The following ALDH1A2 variants were observed in gnomAD, a reference collection of about 807,000 sequenced individuals.
The protein encoded by ALDH1A2 is retinal dehydrogenase 2.
In ALDH1A2, 27 loss-of-function variants were observed where a neutral mutation model predicts 60.3. The observed-to-expected ratio is 0.45, with a 90% confidence interval of 0.33 to 0.62. The LOEUF (loss-of-function observed/expected upper bound fraction) is 0.62. Among genes scored for constraint, ALDH1A2 ranks in the 20% least tolerant of loss-of-function variants. The pLI is 0.02. For missense variants in ALDH1A2, 581 were observed against 643.8 expected (o/e 0.90, Z 1.06); for synonymous variants, 289 against 232.4 (o/e 1.24, Z -2.21).
At chr15:58,000,752 T>C (rs1410086723) in intron 4 of ALDH1A2, among the ~76,000 whole-genome samples, 2 of 151,860 alleles carry the variant, frequency 1.3e-5, no homozygotes, top group Non-Finnish European at 2.9e-5. Flanking sequence ...CTCGTGAATA[T>C]ACAGATTCTG....
chr15:58,025,978 A>G, intron 1 of ALDH1A2, among the ~76,000 whole-genome samples: 1 of 152,198 alleles, frequency 6.6e-6, no homozygotes, highest in Non-Finnish European at 1.5e-5. Context: ...ACCTCCCACC[A>G]GGCTCCACCT....
intron 7 of ALDH1A2, among the ~76,000 whole-genome samples, chr15:57,968,127 A>G (rs772844196): frequency 4.6e-5 from 7 of 152,192 alleles, no homozygotes; most frequent in Non-Finnish European, 8.8e-5. Flanking sequence ...GGGAATCCAA[A>G]TTAACTGATG....
intron 1 of ALDH1A2, among the ~76,000 whole-genome samples, chr15:58,043,460 G>C (rs1386902103): frequency 6.6e-6 from 1 of 151,982 alleles, no homozygotes; most frequent in Non-Finnish European, 1.5e-5. Context: ...ACATAGGTTT[G>C]ATTTGTTCCT....
intron 7 of ALDH1A2, among the ~76,000 whole-genome samples, chr15:57,975,759 T>G (rs1489483679): frequency 6.6e-6 from 1 of 150,844 alleles, no homozygotes; most frequent in African/African-American, 2.4e-5. Flanking sequence ...TTGCCATTTA[T>G]ATAAAATTCT....
intron 4 of ALDH1A2, among the ~76,000 whole-genome samples, chr15:58,003,110 G>C (rs1286655617): frequency 1.3e-5 from 2 of 151,814 alleles, no homozygotes; most frequent in African/African-American, 4.8e-5. Context: ...CGTAACAAAA[G>C]TTAGTTTACT....
At chr15:58,043,854 A>T (rs1458944467) in intron 1 of ALDH1A2, among the ~76,000 whole-genome samples, 1 of 152,026 alleles carries the variant, frequency 6.6e-6, no homozygotes, top group Non-Finnish European at 1.5e-5. Context: ...TTCTCGGTCT[A>T]AACATAGTAG....
chr15:58,019,954 CT>C (rs1267953367), intron 1 of ALDH1A2, among the ~76,000 whole-genome samples: 1 of 152,084 alleles, frequency 6.6e-6, no homozygotes, highest in East Asian at 1.9e-4. Flanking sequence ...CATGCATTAG[CT>C]TTTTTATCCT....
At chr15:58,056,515 C>A (rs766362689) in intron 1 of ALDH1A2, among the ~76,000 whole-genome samples, 8 of 152,010 alleles carry the variant, frequency 5.3e-5, no homozygotes, top group Admixed American at 3.3e-4. Flanking sequence ...CTTGAAAAAT[C>A]TGCAATAGGA....
intron 5 of ALDH1A2, among the ~76,000 whole-genome samples, chr15:57,994,590 G>A (rs149407006): frequency 1.3e-5 from 2 of 152,142 alleles, no homozygotes; most frequent in African/African-American, 2.4e-5. Flanking sequence ...ATAACAGCTC[G>A]GCATGGTTTC....
intron 1 of ALDH1A2, among the ~76,000 whole-genome samples, chr15:58,048,268 G>A (rs529928704): frequency 6.6e-6 from 1 of 152,160 alleles, no homozygotes; most frequent in East Asian, 1.9e-4. Flanking sequence ...TTTAAATTAA[G>A]TGTTGTATGC....
intron 1 of ALDH1A2, among the ~76,000 whole-genome samples, chr15:58,063,237 C>G (rs1425562799): frequency 6.6e-6 from 1 of 152,134 alleles, no homozygotes; most frequent in African/African-American, 2.4e-5. Context: ...AGACAAAAAA[C>G]AATAACATAT....
At chr15:57,982,678 G>C (rs1229060259) in intron 7 of ALDH1A2, among the ~76,000 whole-genome samples, 1 of 152,176 alleles carries the variant, frequency 6.6e-6, no homozygotes, top group Middle Eastern at 3.2e-3. Flanking sequence ...CTTTGCTTAT[G>C]ACAAGCCATC....
At chr15:57,959,344 T>C (rs577764269) in intron 12 of ALDH1A2, among the ~76,000 whole-genome samples, 2 of 152,124 alleles carry the variant, frequency 1.3e-5, no homozygotes, top group African/African-American at 2.4e-5. Context: ...CAAAAGCAAA[T>C]GAAGACATAC....
intron 1 of ALDH1A2, among the ~76,000 whole-genome samples, chr15:58,031,183 C>T (rs1896231532): frequency 6.6e-6 from 1 of 152,146 alleles, no homozygotes; most frequent in African/African-American, 2.4e-5. Flanking sequence ...ACCAATGGAA[C>T]ACAACAGAGG....
At chr15:58,010,047 G>C (rs1402734597) in intron 4 of ALDH1A2, among the ~76,000 whole-genome samples, 3 of 152,036 alleles carry the variant, frequency 2.0e-5, no homozygotes, top group Non-Finnish European at 2.9e-5. Flanking sequence ...GGGCCTTTAA[G>C]TTTTTTGTAT....
At chr15:58,059,542 C>G (rs1333699886) in intron 1 of ALDH1A2, among the ~76,000 whole-genome samples, 1 of 152,138 alleles carries the variant, frequency 6.6e-6, no homozygotes, top group Non-Finnish European at 1.5e-5. Flanking sequence ...GCATACTTCC[C>G]ACATTTATGT....
chr15:57,998,567 G>T (rs1448062057), intron 4 of ALDH1A2, among the ~76,000 whole-genome samples: 2 of 151,974 alleles, frequency 1.3e-5, no homozygotes, highest in Non-Finnish European at 2.9e-5. Context: ...ACAAACAAAT[G>T]GAAAAACATT....
At chr15:58,003,681 T>A (rs1435479473) in intron 4 of ALDH1A2, among the ~76,000 whole-genome samples, 1 of 151,888 alleles carries the variant, frequency 6.6e-6, no homozygotes, top group African/African-American at 2.4e-5. Context: ...CAAGCGTTGA[T>A]CCTTCCTTCA....
Position 57,962,039 on chromosome 15 carries a change from A to G in ALDH1A2, c.1224T>C (p.Thr408=). Residue 408 remains threonine (T), a synonymous_variant, in exon 10 of 13, where the codon ACT becomes ACC. Coordinates refer to ENST00000249750, the MANE Select transcript of ALDH1A2 (RefSeq NM_003888.4). ...FIEPTVFSNV[T]DDMRIAKEEI... ...CCTCCTTGGCAATCCGCATATCATC[A>G]GTGACGTTGGAAAACACTGTGGGCT... 2 of 1,614,154 alleles carry G rather than the reference A, an allele frequency of 1.2e-6. No homozygotes were observed. The highest frequency in any genetic ancestry group is 1.7e-6 in the Non-Finnish European group (2 of 1,180,008).
Sources: allele counts gnomAD v4.1 joint callset (sites outside exome capture counted in the v4.1 genomes callset), GRCh38; gene constraint gnomAD v4.1.1; transcripts MANE v1.5; gene names NCBI Gene and HGNC (gene_info 2026-07-23, HGNC 2026-07-21).